The following KANK4 variants were observed in gnomAD, a reference collection of about 807,000 sequenced individuals.
KANK4 encodes the protein KN motif and ankyrin repeat domain-containing protein 4.
KANK4 carries 50 observed loss-of-function variants against 80.8 expected under a neutral mutation model. That is an observed-to-expected ratio of 0.62 (90% CI 0.49 to 0.78). KANK4 has a LOEUF of 0.78. Among genes scored for constraint, KANK4 ranks in the 30% least tolerant of loss-of-function variants. The pLI, the probability that KANK4 is intolerant of heterozygous loss-of-function variation, is 0.00. For missense variants in KANK4, 1,196 were observed against 1,240.1 expected (o/e 0.96, Z 0.53); for synonymous variants, 465 against 506.9 (o/e 0.92, Z 1.11).
intron 9 of KANK4, among the ~76,000 whole-genome samples, chr1:62,245,625 G>A (rs565213837): frequency 5.3e-5 from 8 of 152,258 alleles, no homozygotes; most frequent in East Asian, 3.9e-4. Flanking sequence ...TCTGCTCTGC[G>A]AATCAGTAGC....
At chr1:62,259,332 A>C (rs796792647) in intron 7 of KANK4, among the ~76,000 whole-genome samples, 8 of 151,648 alleles carry the variant, frequency 5.3e-5, no homozygotes, top group African/African-American at 1.9e-4. Context: ...ACTGCAGTGC[A>C]GTGGTGTGAT....
chr1:62,281,582 T>C lies in KANK4; in HGVS notation c.-18A>G. On this transcript the variant is annotated 5_prime_UTR_variant, in exon 2 of 10. Transcript: ENST00000371153. Reference sequence around the variant, plus strand: ...TTCTCCATCTTTGGAGCGCTGACCCTCAGTGTCTCAGGCACTCTTCATCCA... The same window carrying C: ...TTCTCCATCTTTGGAGCGCTGACCCCCAGTGTCTCAGGCACTCTTCATCCA... 1 of 1,614,152 alleles carries C rather than the reference T, an allele frequency of 6.2e-7. No individual in the cohort carries two copies. The highest frequency in any genetic ancestry group is 1.3e-5 in the African/African-American group (1 of 75,054).
intron 1 of KANK4, among the ~76,000 whole-genome samples, chr1:62,291,467 G>C (rs564742331): frequency 6.6e-6 from 1 of 151,930 alleles, no homozygotes; most frequent in South Asian, 2.1e-4. Context: ...TTTTAGATAG[G>C]GTCTCACTCT....
intron 7 of KANK4, among the ~76,000 whole-genome samples, 200 bp from the exon 8 acceptor site, chr1:62,253,409 C>CTTTTTTTT (rs34488630): frequency 2.0e-4 from 22 of 110,978 alleles, no homozygotes; most frequent in Non-Finnish European, 3.0e-4. Flanking sequence ...TTCTTTCTTT[C>CTTTTTTTT]TTTTTTTTTT....
chr1:62,268,293 G>A lies in KANK4; in HGVS notation c.2225C>T (p.Ala742Val), dbSNP rs554667383. Residue 742 changes from alanine to valine, a missense_variant, in exon 5 of 10, where the codon GCC becomes GTC. Coordinates refer to ENST00000371153, the MANE Select transcript of KANK4 (RefSeq NM_181712.5). ...GPGEEVPHSK[A>V]ERYKPSEEFL... The stretch of plus-strand genomic sequence containing the variant: ...TTTGTGTCCATTTGCTCACCTCTCG[G>A]CCTTGGAGTGGGGGACTTCTTCCCC... The A allele has an allele frequency of 1.2e-6, 2 of 1,613,400 alleles. No homozygotes were observed. The highest frequency in any genetic ancestry group is 1.3e-5 in the African/African-American group (1 of 75,020).
intron 2 of KANK4, among the ~76,000 whole-genome samples, chr1:62,278,322 TTCCTTCCTTCCTTCCTTCCTTCCTTCC>T (rs1557493258): frequency 0.056 from 1,541 of 27,634 alleles, 319 homozygotes; most frequent in East Asian, 0.077. Flanking sequence ...ATTTTCTTTC[TTCCTTCCTTCCTTCCTTCCTTCCTTCC>T]TTCCTTCCTT....
At chr1:62,318,480 C>A (rs1644560440) in intron 1 of KANK4, among the ~76,000 whole-genome samples, 1 of 152,254 alleles carries the variant, frequency 6.6e-6, no homozygotes, top group Admixed American at 6.5e-5. Context: ...CTGGGCAAAG[C>A]GCCCTCGGCG....
rs755326990 is a variant in KANK4, at chr1:62,253,162, T to A, written c.2587A>T (p.Met863Leu). The change falls in exon 8 of 10, where the codon ATG becomes TTG. Residue 863 changes from methionine (M) to leucine (L), a missense_variant. Coordinates refer to ENST00000371153, the MANE Select transcript of KANK4 (RefSeq NM_181712.5). ...HQNKAGYTAV[M>L]ITPLASAETN... ...TCTGCGGAAGCCAAGGGAGTGATCA[T>A]TACGGCAGTGTAGCCAGCTTTGTTC... The A allele has an allele frequency of 6.2e-7, 1 of 1,613,314 alleles. No homozygotes were observed. Among genetic ancestry groups the A allele is most frequent in the African/African-American group, 1.3e-5 (1 of 74,898 alleles).
chr1:62,264,614 T>C (rs979635431), intron 6 of KANK4, among the ~76,000 whole-genome samples: 3 of 152,130 alleles, frequency 2.0e-5, no homozygotes, highest in Non-Finnish European at 4.4e-5. Context: ...AGGGAGACAG[T>C]ATCCGGTGCT....
At chr1:62,254,787 C>T (rs955808587) in intron 7 of KANK4, among the ~76,000 whole-genome samples, 11 of 151,378 alleles carry the variant, frequency 7.3e-5, no homozygotes, top group African/African-American at 1.2e-4. Context: ...AGGCTGGTCT[C>T]GAACTCCTGA....
In KANK4 at chr1:62,236,387, A is replaced by C. The variant is rs1050304338; in HGVS notation, c.*1890T>G. On this transcript the variant is annotated 3_prime_UTR_variant, in exon 10 of 10. Transcript: ENST00000371153. The stretch of plus-strand genomic sequence containing the variant: ...GGGCTAGAACATTTATTAACGTAGG[A>C]TGTTGCTCTTACAATGTATTTTGAG... Among the ~76,000 whole-genome samples the C allele has an allele frequency of 1.1e-4, 17 of 152,148 alleles. No individual in the cohort carries two copies. The highest frequency in any genetic ancestry group is 3.4e-4 in the African/African-American group (14 of 41,420).
At chr1:62,257,941 C>A (rs534819163) in intron 7 of KANK4, among the ~76,000 whole-genome samples, 6 of 152,304 alleles carry the variant, frequency 3.9e-5, no homozygotes, top group Admixed American at 6.5e-5. Context: ...TAACAGGCTA[C>A]AAGACTGTGA....
At position 62,238,252 on chromosome 1, in the gene KANK4, C is replaced by T. The variant is rs1304328378; in HGVS notation, c.*25G>A. On this transcript the variant is annotated 3_prime_UTR_variant, in exon 10 of 10. Coordinates refer to ENST00000371153, the MANE Select transcript of KANK4 (RefSeq NM_181712.5). The stretch of plus-strand genomic sequence containing the variant: ...AGTCCAGAGAAGAAGGCTTTTGTTC[C>T]CCACGGCCAGTTCTTCTGCAGCCCC... The T allele has an allele frequency of 1.3e-6, 2 of 1,566,582 alleles. No homozygotes were observed. The highest frequency in any genetic ancestry group is 1.7e-5 in the Admixed American group (1 of 59,752).
At position 62,273,270 on chromosome 1, in the gene KANK4, A is replaced by G. The variant is rs768357604; in HGVS notation, c.1834T>C (p.Ser612Pro). Residue 612 changes from serine to proline, a missense_variant, in exon 3 of 10, where the codon TCG (serine) becomes CCG (proline). This residue lies in a region of KANK4 where 1,154 missense variants were observed against 1,179.6 expected (regional missense o/e 0.98). Transcript: ENST00000371153. Reference sequence around the variant, plus strand: ...GGGTGAGCCTGGGCCGAGTAGGCCGACAGCAGCAGGTTGAGGGAGCTCAGC... The same window carrying G: ...GGGTGAGCCTGGGCCGAGTAGGCCGGCAGCAGCAGGTTGAGGGAGCTCAGC... Reference protein sequence around the residue: ...QLLSSLNLLLSAYSAQAHPPK... With the variant: ...QLLSSLNLLLPAYSAQAHPPK... 1 of 1,562,454 alleles carries G rather than the reference A, an allele frequency of 6.4e-7. No homozygotes were observed.
chr1:62,261,884 G>A (rs1671893928), intron 7 of KANK4, among the ~76,000 whole-genome samples: 1 of 152,044 alleles, frequency 6.6e-6, no homozygotes, highest in East Asian at 1.9e-4. Context: ...CACCTTTGCC[G>A]CTCCCTGAAC....
At chr1:62,247,766 AC>A in intron 8 of KANK4, 94 bp from the exon 9 acceptor site, 1 of 965,628 alleles carries the variant, frequency 1.0e-6, no homozygotes, top group Non-Finnish European at 1.6e-6. Flanking sequence ...ACTTCTCAAT[AC>A]CACAACCACT....
Position 62,297,603 on chromosome 1 carries a change from T to C in KANK4, c.-70-15969A>G, listed in dbSNP as rs1443408673. Among the ~76,000 whole-genome samples, 5 of 152,324 alleles carry C rather than the reference T, an allele frequency of 3.3e-5. No homozygotes were observed. In the East Asian group the frequency reaches 9.6e-4, roughly 29 times the overall value. ...TAGAAGGATTTAGCAAAGGAACGAA[T>C]CTAGCATTAAATTCCACCACCAGCC... On this transcript the variant is annotated intron_variant, in intron 1 of 9. Coordinates refer to ENST00000371153, the MANE Select transcript of KANK4 (RefSeq NM_181712.5).
rs368095676 is a variant in KANK4, at chr1:62,276,278, G to A, written c.17-1191C>T. Reference sequence around the variant, plus strand: ...GTTTCTTCAATATTCCTCATGTGACGCCCCTAATTACCTCTGTGACATTAT... The same window carrying A: ...GTTTCTTCAATATTCCTCATGTGACACCCCTAATTACCTCTGTGACATTAT... On this transcript the variant is annotated intron_variant, in intron 2 of 9. Transcript: ENST00000371153. Among the ~76,000 whole-genome samples, 23 of 152,212 alleles carry A rather than the reference G, an allele frequency of 1.5e-4. No individual in the cohort carries two copies. In the East Asian group the frequency reaches 2.9e-3, roughly 19 times the overall value.
intron 1 of KANK4, among the ~76,000 whole-genome samples, chr1:62,311,353 T>G (rs1179571417): frequency 1.3e-5 from 2 of 151,982 alleles, no homozygotes; most frequent in East Asian, 1.9e-4. Context: ...ATGAAACAAC[T>G]GCTATATTCA....
Sources: gnomAD v4.1 joint callset for allele counts (sites outside exome capture counted in the v4.1 genomes callset) on GRCh38, gnomAD v4.1.1 for gene constraint, gnomAD v4.1.1 regional missense constraint, MANE v1.5 for transcripts, NCBI Gene and HGNC (gene_info 2026-07-23, HGNC 2026-07-21) for gene names.